Variants in B3GALT1 observed in about 807,000 individuals in gnomAD.
The protein encoded by B3GALT1 is beta-1,3-galactosyltransferase 1, also known as UDP-Gal:betaGlcNAc beta 1,3-galactosyltransferase, polypeptide 1.
A neutral mutation model predicts 23.2 loss-of-function variants in B3GALT1; 10 were observed. That is an observed-to-expected ratio of 0.43 (90% confidence interval 0.27 to 0.73). The LOEUF (loss-of-function observed/expected upper bound fraction) is 0.73. B3GALT1 is among the 30% of genes least tolerant of loss of function. The probability of loss-of-function intolerance (pLI) is 0.21; values close to 1 mark genes in which losing one functional copy is unlikely to be tolerated. For synonymous variants in B3GALT1, 156 were observed against 141.5 expected, an observed-to-expected ratio of 1.10 and a Z score of -0.73; for missense variants, 299 against 405.4, an observed-to-expected ratio of 0.74 and a Z score of 2.25.
At chr2:167,623,162 CT>C (rs1685288286) in intron 2 of B3GALT1, among the ~76,000 whole-genome samples, 1 of 152,080 alleles carries the variant, frequency 6.6e-6, no homozygotes, top group Non-Finnish European at 1.5e-5. Flanking sequence ...CACTTTTACA[CT>C]GTTGGTGGGA....
At chr2:167,348,647 G>A (rs1275594008) in intron 1 of B3GALT1, among the ~76,000 whole-genome samples, 2 of 152,046 alleles carry the variant, frequency 1.3e-5, no homozygotes, top group Non-Finnish European at 2.9e-5. Flanking sequence ...CTGAATTTCA[G>A]TTTCTGGCAT....
chr2:167,370,645 T>G (rs1697667596), intron 1 of B3GALT1, among the ~76,000 whole-genome samples: 1 of 151,964 alleles, frequency 6.6e-6, no homozygotes, highest in Non-Finnish European at 1.5e-5. Context: ...TTGGTAATTT[T>G]CTAATTATTT....
intron 1 of B3GALT1, among the ~76,000 whole-genome samples, chr2:167,400,200 G>T (rs1043096449): frequency 6.6e-6 from 1 of 151,050 alleles, no homozygotes; most frequent in African/African-American, 2.4e-5. Flanking sequence ...GTGTCTGTGT[G>T]TGTGTATGTG....
At chr2:167,314,841 A>G (rs1257445414) in intron 1 of B3GALT1, among the ~76,000 whole-genome samples, 1 of 152,150 alleles carries the variant, frequency 6.6e-6, no homozygotes, top group African/African-American at 2.4e-5. Context: ...GATACTTTAC[A>G]TAAGTTATAT....
At chr2:167,342,018 T>C (rs1697155049) in intron 1 of B3GALT1, among the ~76,000 whole-genome samples, 1 of 152,152 alleles carries the variant, frequency 6.6e-6, no homozygotes, top group Non-Finnish European at 1.5e-5. Context: ...TTGAACTCAG[T>C]GTTGTTACAT....
intron 3 of B3GALT1, among the ~76,000 whole-genome samples, chr2:167,812,045 A>G (rs1688899794): frequency 6.6e-6 from 1 of 152,222 alleles, no homozygotes; most frequent in Non-Finnish European, 1.5e-5. Context: ...CCATTTCTAA[A>G]AAGACTGATC....
intron 4 of B3GALT1, among the ~76,000 whole-genome samples, chr2:167,824,422 C>T (rs2105370003): frequency 6.6e-6 from 1 of 152,338 alleles, no homozygotes; most frequent in South Asian, 2.1e-4. Context: ...AAGAGATACC[C>T]ATAGCTTGAG....
chr2:167,710,472 G>A (rs1687030703), intron 3 of B3GALT1, among the ~76,000 whole-genome samples: 1 of 152,220 alleles, frequency 6.6e-6, no homozygotes, highest in South Asian at 2.1e-4. Context: ...CAAGGGTGGT[G>A]AAACTGCTCG....
At chr2:167,567,389 A>G (rs1305484554) in intron 2 of B3GALT1, among the ~76,000 whole-genome samples, 2 of 152,112 alleles carry the variant, frequency 1.3e-5, no homozygotes, top group African/African-American at 2.4e-5. Flanking sequence ...ATCCAAGGCC[A>G]TCTCAAGGAT....
intron 4 of B3GALT1, among the ~76,000 whole-genome samples, chr2:167,842,315 C>G (rs1040439303): frequency 3.9e-5 from 6 of 152,186 alleles, no homozygotes; most frequent in Middle Eastern, 3.2e-3. Flanking sequence ...TGCCTTTTGA[C>G]TCCAGCAATT....
At chr2:167,737,228 TGTG>T (rs1056809762) in intron 3 of B3GALT1, among the ~76,000 whole-genome samples, 1 of 152,198 alleles carries the variant, frequency 6.6e-6, no homozygotes, top group African/African-American at 2.4e-5. Flanking sequence ...AGTTAAGTTT[TGTG>T]AAGTGGGTAC....
chr2:167,579,450 A>ATTTTTTTTTTTTTTAATTTTTTTTTTTTG (rs1487721779), intron 2 of B3GALT1, among the ~76,000 whole-genome samples: 1 of 57,898 alleles, frequency 1.7e-5, no homozygotes, highest in African/African-American at 9.5e-5. Context: ...TTTTTTTTCC[A>ATTTTTTTTTTTTTTAATTTTTTTTTTTTG]TTTAAATTCT....
chr2:167,651,279 CGTGCACACATGTGTGCGT>C (rs1283425220), intron 3 of B3GALT1, among the ~76,000 whole-genome samples: 5 of 141,256 alleles, frequency 3.5e-5, no homozygotes, highest in Non-Finnish European at 6.2e-5. Flanking sequence ...TGTGCGCGCA[CGTGCACACATGTGTGCGT>C]GAGAAAGAGA....
At chr2:167,628,205 T>C (rs1319282420) in intron 2 of B3GALT1, among the ~76,000 whole-genome samples, 1 of 151,728 alleles carries the variant, frequency 6.6e-6, no homozygotes, top group Non-Finnish European at 1.5e-5. Flanking sequence ...CCCAAATGAC[T>C]TTTTTAGCCT....
At chr2:167,501,009 A>C (rs1361397202) in intron 2 of B3GALT1, among the ~76,000 whole-genome samples, 1 of 152,138 alleles carries the variant, frequency 6.6e-6, no homozygotes, top group Non-Finnish European at 1.5e-5. Flanking sequence ...TTAAATTCCT[A>C]GAGTAGAACA....
At chr2:167,347,070 A>G (rs1697232310) in intron 1 of B3GALT1, among the ~76,000 whole-genome samples, 1 of 152,198 alleles carries the variant, frequency 6.6e-6, no homozygotes, top group Admixed American at 6.5e-5. Flanking sequence ...ATCTCTCTGT[A>G]GTTATCACCA....
At chr2:167,343,561 G>A (rs1305336638) in intron 1 of B3GALT1, among the ~76,000 whole-genome samples, 1 of 152,004 alleles carries the variant, frequency 6.6e-6, no homozygotes, top group Non-Finnish European at 1.5e-5. Flanking sequence ...ATGATTATGG[G>A]GAAAGAAAAA....
At chr2:167,581,833 G>A (rs868826102) in intron 2 of B3GALT1, among the ~76,000 whole-genome samples, 22 of 152,134 alleles carry the variant, frequency 1.4e-4, no homozygotes, top group African/African-American at 4.8e-4. Context: ...TTATGTATTT[G>A]TCTGTTGGGA....
At chr2:167,450,796 C>G (rs1462117421) in intron 1 of B3GALT1, among the ~76,000 whole-genome samples, 1 of 152,104 alleles carries the variant, frequency 6.6e-6, no homozygotes, top group Non-Finnish European at 1.5e-5. Flanking sequence ...GTTTTCCAAA[C>G]TTTTAGATTT....
Sources: allele counts gnomAD v4.1 joint callset (sites outside exome capture counted in the v4.1 genomes callset), GRCh38; gene constraint gnomAD v4.1.1; transcripts MANE v1.5; gene names NCBI Gene and HGNC (gene_info 2026-07-23, HGNC 2026-07-21).